The following ARSH variants were observed in gnomAD, a reference collection of about 807,000 sequenced individuals.
ARSH encodes the protein arylsulfatase family member H.
ARSH carries 32 observed loss-of-function variants against 28.7 expected under a neutral mutation model. That is an observed-to-expected ratio of 1.11 (90% CI 0.84 to 1.50). The LOEUF (loss-of-function observed/expected upper bound fraction) is 1.50. Ranked by LOEUF, ARSH falls within the 40% of genes most tolerant of loss-of-function variation. ARSH has a pLI of 0.00. For synonymous variants in ARSH, 176 were observed against 177.3 expected (o/e 0.99, Z 0.06); for missense variants, 440 against 452.4 (o/e 0.97, Z 0.25).
chrX:3,015,402 C>G lies in ARSH; in HGVS notation c.764+9C>G, dbSNP rs771802825. ...CTTGCTTTCATTGAAAGGTATTTAG[C>G]CATTTCTTGCCTGATTTCCTGCATG... On this transcript the variant is annotated intron_variant, in intron 4 of 8. Transcript: ENST00000381130. 5.9e-6 allele frequency: 7 copies of G among 1,194,826 alleles called. No homozygotes were observed. The highest frequency in any genetic ancestry group is 7.9e-6 in the Non-Finnish European group (7 of 887,706).
intron 6 of ARSH, among the ~76,000 whole-genome samples, chrX:3,026,305 TA>T (rs1304296320): frequency 9.1e-6 from 1 of 109,957 alleles, no homozygotes; most frequent in Non-Finnish European, 1.9e-5. Context: ...GTGTCTTAAT[TA>T]AAAAAAATAA....
intron 4 of ARSH, among the ~76,000 whole-genome samples, chrX:3,015,881 G>A (rs1433850115): frequency 9.0e-6 from 1 of 110,861 alleles, no homozygotes; most frequent in African/African-American, 3.3e-5. Flanking sequence ...CTCCTCTTAG[G>A]TAGAATTAAA....
chrX:3,024,904 G>T (rs1464407466), intron 6 of ARSH, among the ~76,000 whole-genome samples: 1 of 110,119 alleles, frequency 9.1e-6, no homozygotes, highest in Non-Finnish European at 1.9e-5. Flanking sequence ...CCCCCTACCC[G>T]CTAACCTTCC....
chrX:3,023,244 A>C (rs997739538), intron 5 of ARSH, among the ~76,000 whole-genome samples: 2 of 104,782 alleles, frequency 1.9e-5, no homozygotes, highest in Non-Finnish European at 3.8e-5. Flanking sequence ...AAAATAATAT[A>C]GTATATATTT....
At position 3,015,411 on chromosome X, in the gene ARSH, G is replaced by T. The variant is rs2089863504; in HGVS notation, c.764+18G>T. ...ATTGAAAGGTATTTAGCCATTTCTT[G>T]CCTGATTTCCTGCATGGAAATTTTA... On this transcript the variant is annotated intron_variant, in intron 4 of 8. Transcript: ENST00000381130. The T allele has an allele frequency of 8.4e-7, 1 of 1,193,069 alleles. No individual in the cohort carries two copies. Among genetic ancestry groups the T allele is most frequent in the African/African-American group, 1.8e-5 (1 of 56,842 alleles).
rs780887834 is a variant in ARSH, at chrX:3,009,986, G to C, written c.93-44G>C. 4.2e-6 allele frequency: 5 copies of C among 1,195,951 alleles called. No individual in the cohort carries two copies. The South Asian group carries it at 9.0e-5, about 22-fold the overall frequency. Reference sequence around the variant, plus strand: ...CTTTGATCCTTGATCATTGTATTGAGAATTTTTAGAAACTCACCTGCTGAA... The same window carrying C: ...CTTTGATCCTTGATCATTGTATTGACAATTTTTAGAAACTCACCTGCTGAA... On this transcript the variant is annotated intron_variant, in intron 1 of 8. Transcript: ENST00000381130.
intron 7 of ARSH, 48 bp downstream of exon 7, chrX:3,027,523 T>G (rs1159858643): frequency 9.0e-7 from 1 of 1,112,829 alleles, no homozygotes; most frequent in Non-Finnish European, 1.2e-6. Context: ...TATTTGAACA[T>G]AAGTGGATAT....
chrX:3,031,762 AT>A (rs1292062757), intron 8 of ARSH, among the ~76,000 whole-genome samples: 3 of 111,937 alleles, frequency 2.7e-5, no homozygotes, highest in Non-Finnish European at 3.8e-5. Flanking sequence ...ATACAGTAGA[AT>A]TTTTTGTTAT....
chrX:3,011,276 C>A (rs1216072059), intron 2 of ARSH, among the ~76,000 whole-genome samples: 6 of 89,555 alleles, frequency 6.7e-5, no homozygotes, highest in Non-Finnish European at 1.1e-4. Context: ...TTGAGACAGA[C>A]TCTTGCTCTG....
Position 3,009,624 on chromosome X carries a change from T to A in ARSH, c.93-406T>A, listed in dbSNP as rs369926191. Among the ~76,000 whole-genome samples, 68 of 110,427 alleles carry A rather than the reference T, an allele frequency of 6.2e-4. 3 individuals carry two copies. The South Asian group carries it at 0.022, about 36-fold the overall frequency. On this transcript the variant is annotated intron_variant, in intron 1 of 8. Coordinates refer to ENST00000381130, the MANE Select transcript of ARSH (RefSeq NM_001011719.2). ...GTGAGCTATAACTGCACCACTACAC[T>A]CCACCCTGGGCAACAGAGCAAGAGA...
intron 1 of ARSH, among the ~76,000 whole-genome samples, chrX:3,008,692 G>C (rs1432573578): frequency 9.2e-6 from 1 of 109,073 alleles, no homozygotes; most frequent in Non-Finnish European, 1.9e-5. Flanking sequence ...TGGGACTATA[G>C]GCATGAGCCC....
Position 3,033,149 on chromosome X carries a change from A to C in ARSH, c.1453A>C (p.Ile485Leu). 1 of 1,211,376 alleles carries C rather than the reference A, an allele frequency of 8.3e-7. No homozygotes were observed. The highest frequency in any genetic ancestry group is 1.1e-6 in the Non-Finnish European group (1 of 895,454). Residue 485 changes from isoleucine to leucine, a missense_variant, in exon 9 of 9, where the codon ATC becomes CTC. Physicochemically the swap from Ile to Leu is conservative, Grantham distance 5. Coordinates refer to ENST00000381130, the MANE Select transcript of ARSH (RefSeq NM_001011719.2). ...CCACGACCCACCACTCCTCTTTGAC[A>C]TCTCAAGAGACCCTTCAGAAGCCCT... ...TYHDPPLLFD[I>L]SRDPSEALPL...
At position 3,027,263 on chromosome X, in the gene ARSH, A is replaced by G. The variant is rs764524161; in HGVS notation, c.1037-50A>G. 3.4e-6 allele frequency: 4 copies of G among 1,186,577 alleles called. No homozygotes were observed. In the East Asian group the frequency reaches 8.9e-5, roughly 27 times the overall value. On this transcript the variant is annotated intron_variant, in intron 6 of 8. Coordinates refer to ENST00000381130, the MANE Select transcript of ARSH (RefSeq NM_001011719.2). ...GCGTGAGCCACCGTGCCCGGCCAAT[A>G]TGGTTGGGTTTTAACTCATCTTTGG...
At chrX:3,026,994 A>G (rs1233733402) in intron 6 of ARSH, among the ~76,000 whole-genome samples, 1 of 110,595 alleles carries the variant, frequency 9.0e-6, no homozygotes, top group African/African-American at 3.3e-5. Flanking sequence ...GACTACAGGC[A>G]TGCACCACCA....
chrX:3,008,453 CTTTCTT>C (rs2089835558), intron 1 of ARSH, among the ~76,000 whole-genome samples: 1 of 10,892 alleles, frequency 9.2e-5, no homozygotes, highest in Admixed American at 7.7e-4. Flanking sequence ...TTCTTATTTT[CTTTCTT>C]TCTTTCTTTC....
At chrX:3,024,702 T>C (rs1010121888) in intron 6 of ARSH, among the ~76,000 whole-genome samples, 5 of 111,513 alleles carry the variant, frequency 4.5e-5, no homozygotes, top group African/African-American at 1.6e-4. Context: ...ACTAGTGTTA[T>C]GTGGATCAGA....
chrX:3,029,911 T>C (rs1166753516), intron 8 of ARSH, among the ~76,000 whole-genome samples: 1 of 111,498 alleles, frequency 9.0e-6, no homozygotes, highest in East Asian at 2.8e-4. Flanking sequence ...AAAATATTTA[T>C]AAAATAGAGA....
chrX:3,032,684 G>A (rs770385647), intron 8 of ARSH, among the ~76,000 whole-genome samples: 15 of 112,011 alleles, frequency 1.3e-4, no homozygotes, highest in Non-Finnish European at 2.8e-4. Context: ...TGTGAAAGTG[G>A]CATTTAGCCT....
At chrX:3,012,389 C>A (rs1227085950) in intron 2 of ARSH, among the ~76,000 whole-genome samples, 13 of 100,561 alleles carry the variant, frequency 1.3e-4, no homozygotes, top group East Asian at 3.2e-4. Context: ...AACACACACA[C>A]AAAAAATAGC....
Sources: allele counts gnomAD v4.1 joint callset (sites outside exome capture counted in the v4.1 genomes callset), GRCh38; gene constraint gnomAD v4.1.1; transcripts MANE v1.5; gene names NCBI Gene and HGNC (gene_info 2026-07-23, HGNC 2026-07-21).